LRBA: variants seen among roughly 807,000 people sequenced by gnomAD.
LRBA encodes lipopolysaccharide-responsive and beige-like anchor protein.
LRBA carries 176 observed loss-of-function variants against 330.0 expected under a neutral mutation model. The observed-to-expected ratio is 0.53, with a 90% CI of 0.47 to 0.60. The LOEUF (loss-of-function observed/expected upper bound fraction) is 0.60. Ranked by LOEUF, LRBA falls within the 20% of genes least tolerant of loss-of-function variation. LRBA has a pLI of 0.00. For synonymous variants in LRBA, 1,230 were observed against 1,193.0 expected (o/e 1.03, Z -0.64); for missense variants, 3,259 against 3,444.8 (o/e 0.95, Z 1.35).
intron 47 of LRBA, among the ~76,000 whole-genome samples, chr4:150,414,332 G>A (rs963951739): frequency 6.6e-6 from 1 of 151,902 alleles, no homozygotes; most frequent in Non-Finnish European, 1.5e-5. Context: ...AATAGGATCT[G>A]GAAGATAGGA....
At chr4:150,289,686 T>G (rs879625408) in intron 53 of LRBA, among the ~76,000 whole-genome samples, 2 of 152,210 alleles carry the variant, frequency 1.3e-5, no homozygotes, top group Non-Finnish European at 2.9e-5. Context: ...CTTTAAAGAT[T>G]GTATTCCCTT....
At chr4:150,647,542 T>A (rs897636270) in intron 37 of LRBA, among the ~76,000 whole-genome samples, 23 of 151,364 alleles carry the variant, frequency 1.5e-4, no homozygotes, top group East Asian at 7.8e-4. Flanking sequence ...CACAGGTGCA[T>A]ACCAACATAC....
At chr4:150,362,023 C>T (rs1339473810) in intron 47 of LRBA, among the ~76,000 whole-genome samples, 1 of 152,156 alleles carries the variant, frequency 6.6e-6, no homozygotes, top group South Asian at 2.1e-4. Context: ...CTGCCCGCCT[C>T]GGCCTCCCAA....
At chr4:150,372,231 A>G (rs1227167302) in intron 47 of LRBA, among the ~76,000 whole-genome samples, 1 of 152,206 alleles carries the variant, frequency 6.6e-6, no homozygotes, top group Non-Finnish European at 1.5e-5. Context: ...ATTTCTATAA[A>G]TAATATCAAT....
chr4:150,611,682 C>G (rs192507926), intron 37 of LRBA, among the ~76,000 whole-genome samples: 7 of 152,276 alleles, frequency 4.6e-5, no homozygotes, highest in African/African-American at 1.7e-4. Flanking sequence ...TTACAAGGCT[C>G]TATCGCTTTT....
chr4:150,815,853 T>C lies in LRBA; in HGVS notation c.5305+1271A>G, dbSNP rs145477607. 1.5e-4 allele frequency among the ~76,000 whole-genome samples: 23 copies of C among 152,000 alleles called. No individual in the cohort carries two copies. The East Asian group carries it at 4.3e-3, about 28-fold the overall frequency. ...TTGTAATTATACAGTACGTAAAGAATTGCATATAACTTTCTTTTACTTAAC... is the reference window on the plus strand; with the variant it reads ...TTGTAATTATACAGTACGTAAAGAACTGCATATAACTTTCTTTTACTTAAC... On this transcript the variant is annotated intron_variant, in intron 31 of 56. Coordinates refer to ENST00000651943, the MANE Select transcript of LRBA (RefSeq NM_001364905.1).
intron 47 of LRBA, among the ~76,000 whole-genome samples, chr4:150,369,196 AG>A (rs1366916416): frequency 7.9e-5 from 12 of 152,286 alleles, no homozygotes; most frequent in Non-Finnish European, 1.0e-4. Flanking sequence ...TTACATATTA[AG>A]GTGGTCCTCT....
intron 2 of LRBA, among the ~76,000 whole-genome samples, chr4:150,983,182 G>A (rs530719420): frequency 6.6e-6 from 1 of 152,250 alleles, no homozygotes; most frequent in African/African-American, 2.4e-5. Flanking sequence ...TTTTAGCCAG[G>A]TGCAGTGGCT....
At chr4:150,359,746 C>T (rs1219254905) in intron 47 of LRBA, among the ~76,000 whole-genome samples, 2 of 151,904 alleles carry the variant, frequency 1.3e-5, no homozygotes, top group African/African-American at 2.4e-5. Context: ...TTTGGGAGGC[C>T]GAAGCGGGTG....
chr4:150,738,339 C>T (rs904229801), intron 35 of LRBA, among the ~76,000 whole-genome samples: 2 of 152,054 alleles, frequency 1.3e-5, no homozygotes, highest in Admixed American at 1.3e-4. Flanking sequence ...TCTTGCTAAG[C>T]TGTGTTTGTC....
intron 53 of LRBA, among the ~76,000 whole-genome samples, chr4:150,293,666 A>C (rs1728609628): frequency 6.6e-6 from 1 of 152,212 alleles, no homozygotes; most frequent in South Asian, 2.1e-4. Context: ...TCTTCTCTCT[A>C]TGATACATAT....
Position 150,310,337 on chromosome 4 carries a change from G to C in LRBA, c.7741C>G (p.Gln2581Glu), listed in dbSNP as rs1730898077. Residue 2581 changes from glutamine (Q) to glutamate (E), a missense_variant, in exon 52 of 57, where the codon CAA (glutamine) becomes GAA (glutamate). By Grantham distance (29) the Gln-to-Glu change is conservative. Coordinates refer to ENST00000651943, the MANE Select transcript of LRBA (RefSeq NM_001364905.1). The stretch of plus-strand genomic sequence containing the variant: ...CACTGGGAATGCACTTGAATACTTT[G>C]GTCTAAAAGGTCAGTGATTTGCCTC... ...HRRQITDLLD[Q>E]SIQVHSQCFV... The C allele has an allele frequency of 1.2e-6, 2 of 1,612,894 alleles. No homozygotes were observed. Among genetic ancestry groups the C allele is most frequent in the Admixed American group, 1.7e-5 (1 of 59,870 alleles).
In LRBA at chr4:150,805,438, G is replaced by GAAGGAAAGGGA. The variant is rs1560841811; in HGVS notation, c.5518+822_5518+832dup. On this transcript the variant is annotated intron_variant, in intron 33 of 56. Coordinates refer to ENST00000651943, the MANE Select transcript of LRBA (RefSeq NM_001364905.1). ...GAAGGGAAAGGAAAGGAAAGGAAAG[G>GAAGGAAAGGGA]AAGGAAAGGGAAAGGAAAGGAAAGG... Among the ~76,000 whole-genome samples, 10 of 48,164 alleles carry GAAGGAAAGGGA rather than the reference G, an allele frequency of 2.1e-4. No individual in the cohort carries two copies. In the South Asian group the frequency reaches 3.8e-3, roughly 18 times the overall value. 31.6% of individuals were successfully genotyped at this position (48,164 alleles called of 152,430 possible). A position where few individuals can be genotyped will look rare whatever the true frequency, so the allele number is the denominator to read the frequency against.
chr4:150,957,688 C>T (rs1737685093), intron 2 of LRBA, among the ~76,000 whole-genome samples: 1 of 149,132 alleles, frequency 6.7e-6, no homozygotes, highest in Non-Finnish European at 1.5e-5. Context: ...GCCTATGAAT[C>T]TGTAAAATCA....
At chr4:150,575,166 A>G (rs1382475252) in intron 40 of LRBA, among the ~76,000 whole-genome samples, 1 of 151,958 alleles carries the variant, frequency 6.6e-6, no homozygotes, top group African/African-American at 2.4e-5. Flanking sequence ...TCCTAGCTTT[A>G]TATCAGATGG....
chr4:150,501,133 G>A (rs1760202053), intron 40 of LRBA, among the ~76,000 whole-genome samples: 1 of 152,074 alleles, frequency 6.6e-6, no homozygotes, highest in South Asian at 2.1e-4. Context: ...AGACTTTTGG[G>A]GTTAACCTCA....
chr4:150,545,593 C>T (rs1765766627), intron 40 of LRBA, among the ~76,000 whole-genome samples: 2 of 151,936 alleles, frequency 1.3e-5, no homozygotes, highest in Admixed American at 1.3e-4. Flanking sequence ...AACAAAACAA[C>T]AATTATATAA....
chr4:150,296,591 T>C (rs1180874652), intron 53 of LRBA, among the ~76,000 whole-genome samples: 1 of 152,166 alleles, frequency 6.6e-6, no homozygotes, highest in Non-Finnish European at 1.5e-5. Flanking sequence ...ACTTCTGCTC[T>C]GTAAAGCGAT....
At chr4:150,365,694 G>A (rs1199526122) in intron 47 of LRBA, among the ~76,000 whole-genome samples, 1 of 150,950 alleles carries the variant, frequency 6.6e-6, no homozygotes, top group African/African-American at 2.4e-5. Context: ...AGGAGGCTGA[G>A]GCAAGAGAAT....
Sources: allele counts gnomAD v4.1 joint callset (sites outside exome capture counted in the v4.1 genomes callset), GRCh38; gene constraint gnomAD v4.1.1; transcripts MANE v1.5; gene names NCBI Gene and HGNC (gene_info 2026-07-23, HGNC 2026-07-21).